Variants in CALN1 observed in about 807,000 individuals in gnomAD.
CALN1 encodes calneuron 1.
A neutral mutation model predicts 30.6 loss-of-function variants in CALN1; 17 were observed. The ratio of observed to expected loss-of-function variants is 0.56; its 90% CI spans 0.38 to 0.83. The LOEUF (loss-of-function observed/expected upper bound fraction) is 0.83. Ranked by LOEUF, CALN1 falls within the 40% of genes least tolerant of loss-of-function variation. The pLI, the probability that CALN1 is intolerant of heterozygous loss-of-function variation, is 0.00. For synonymous variants in CALN1, 156 were observed against 131.4 expected, an observed-to-expected ratio of 1.19 and a Z score of -1.28; for missense variants, 291 against 354.9, an observed-to-expected ratio of 0.82 and a Z score of 1.45.
intron 3 of CALN1, among the ~76,000 whole-genome samples, chr7:72,199,474 C>T (rs1447236590): frequency 2.0e-5 from 3 of 152,070 alleles, no homozygotes; most frequent in Non-Finnish European, 4.4e-5. Context: ...GCAGGCTGAG[C>T]CGGGGGGCAT....
chr7:72,411,675 C>T (rs923524701), intron 1 of CALN1, among the ~76,000 whole-genome samples: 1 of 152,140 alleles, frequency 6.6e-6, no homozygotes, highest in Non-Finnish European at 1.5e-5. Context: ...TGGATAAGTT[C>T]TCAATGATGC....
At chr7:71,888,785 C>T (rs1428887336) in intron 5 of CALN1, among the ~76,000 whole-genome samples, 5 of 151,916 alleles carry the variant, frequency 3.3e-5, no homozygotes, top group Non-Finnish European at 7.4e-5. Flanking sequence ...GTGATGGGGC[C>T]CATTCCTAGA....
At chr7:72,371,024 G>A (rs1382093846) in intron 2 of CALN1, among the ~76,000 whole-genome samples, 3 of 146,894 alleles carry the variant, frequency 2.0e-5, no homozygotes, top group Non-Finnish European at 3.0e-5. Flanking sequence ...CTCCAACTTT[G>A]GTGACAGAGC....
intron 2 of CALN1, among the ~76,000 whole-genome samples, chr7:72,314,891 T>C (rs535472892): frequency 1.2e-4 from 17 of 144,644 alleles, no homozygotes; most frequent in Admixed American, 9.1e-4. Flanking sequence ...CTCACACCTG[T>C]AAACCCAGCA....
intron 5 of CALN1, among the ~76,000 whole-genome samples, chr7:71,902,189 A>C: frequency 6.6e-6 from 1 of 151,864 alleles, no homozygotes; most frequent in East Asian, 1.9e-4. Context: ...GAGCCACTGC[A>C]CTCCAGCCTG....
intron 2 of CALN1, among the ~76,000 whole-genome samples, chr7:72,306,400 C>T (rs963737586): frequency 6.6e-6 from 1 of 152,094 alleles, no homozygotes; most frequent in African/African-American, 2.4e-5. Context: ...CCACTATAAG[C>T]CTTCAGAAGA....
chr7:71,881,597 CA>C (rs1792570382), intron 5 of CALN1, among the ~76,000 whole-genome samples: 1 of 151,994 alleles, frequency 6.6e-6, no homozygotes, highest in Admixed American at 6.6e-5. Flanking sequence ...GTCCTTTGCT[CA>C]AAATGTTTCC....
Position 71,978,124 on chromosome 7 carries a change from T to C in CALN1, c.501+45533A>G, listed in dbSNP as rs1198959203. ...AGCTTCCCCACCATAAGAGTCTTGG[T>C]GGGAATTTGAGCCACTTCTGAGAAT... On this transcript the variant is annotated intron_variant, in intron 5 of 6. Coordinates refer to ENST00000395275, the MANE Select transcript of CALN1 (RefSeq NM_031468.4). Among the ~76,000 whole-genome samples the C allele has an allele frequency of 1.4e-4, 21 of 151,888 alleles. 1 individual carries two copies. Among genetic ancestry groups the C allele is most frequent in the Non-Finnish European group, 7.4e-5 (5 of 67,960 alleles).
intron 3 of CALN1, among the ~76,000 whole-genome samples, chr7:72,212,349 C>CAAAAA (rs35123942): frequency 1.0e-5 from 1 of 96,540 alleles, no homozygotes. Flanking sequence ...CACACCGTCT[C>CAAAAA]AAAAAAAAAA....
intron 6 of CALN1, among the ~76,000 whole-genome samples, chr7:71,804,952 T>C (rs1347819865): frequency 6.6e-6 from 1 of 152,084 alleles, no homozygotes; most frequent in Admixed American, 6.6e-5. Flanking sequence ...CAAAACTCCA[T>C]ATAAAAAAAA....
intron 3 of CALN1, among the ~76,000 whole-genome samples, chr7:72,267,509 A>G (rs763554490): frequency 1.3e-5 from 2 of 152,206 alleles, no homozygotes; most frequent in Non-Finnish European, 2.9e-5. Context: ...TGGCAGAGAT[A>G]TATGTGATGG....
intron 3 of CALN1, among the ~76,000 whole-genome samples, chr7:72,254,626 GTTGT>G (rs1795791549): frequency 1.3e-5 from 2 of 151,944 alleles, no homozygotes; most frequent in Non-Finnish European, 2.9e-5. Flanking sequence ...TCCTCACTCC[GTTGT>G]TTTTTTATTT....
In CALN1 at chr7:72,335,257, C is replaced by G. The variant is rs1476756908; in HGVS notation, c.120-56447G>C. 2.0e-5 allele frequency among the ~76,000 whole-genome samples: 3 copies of G among 152,246 alleles called. No individual in the cohort carries two copies. In the East Asian group the frequency reaches 5.8e-4, roughly 29 times the overall value. ...AACACGTCCTGTTCTAGCCTCAAGACAATTTCACACCAAATGGCTTTAAAT... is the reference window on the plus strand; with the variant it reads ...AACACGTCCTGTTCTAGCCTCAAGAGAATTTCACACCAAATGGCTTTAAAT... On this transcript the variant is annotated intron_variant, in intron 2 of 6. Transcript: ENST00000395275.
At chr7:72,308,282 T>G (rs1428540650) in intron 2 of CALN1, among the ~76,000 whole-genome samples, 1 of 147,620 alleles carries the variant, frequency 6.8e-6, no homozygotes, top group East Asian at 2.0e-4. Context: ...AAAGATCATT[T>G]GAACCAGGGA....
At chr7:72,423,540 A>T (rs1478739848) in intron 1 of CALN1, among the ~76,000 whole-genome samples, 1 of 152,222 alleles carries the variant, frequency 6.6e-6, no homozygotes, top group Non-Finnish European at 1.5e-5. Context: ...GCCCTGGGAC[A>T]CAGCAGTAAT....
At chr7:72,501,370 T>TAAAAAAAAA in the CALN1 span, among the ~76,000 whole-genome samples, 98 of 42,808 alleles carry the variant, frequency 2.3e-3, 1 homozygote, top group Non-Finnish European at 3.3e-3. Flanking sequence ...ACGTCTCTAT[T>TAAAAAAAAA]AAAAAAAAAA....
chr7:71,932,199 T>C (rs1177726969), intron 5 of CALN1, among the ~76,000 whole-genome samples: 5 of 152,094 alleles, frequency 3.3e-5, no homozygotes. Context: ...TTTATTTATT[T>C]ATTTATGTCA....
chr7:72,036,203 A>G (rs1801788589), intron 4 of CALN1, among the ~76,000 whole-genome samples: 1 of 152,214 alleles, frequency 6.6e-6, no homozygotes, highest in Admixed American at 6.5e-5. Flanking sequence ...TTCTGGTGAG[A>G]AACATGCTGA....
In CALN1 at chr7:72,370,254, T is replaced by A. The variant is rs565065508; in HGVS notation, c.119+32997A>T. Among the ~76,000 whole-genome samples the A allele has an allele frequency of 2.0e-5, 3 of 152,352 alleles. 1 individual carries two copies. The South Asian group carries it at 6.2e-4, about 32-fold the overall frequency. The stretch of plus-strand genomic sequence containing the variant: ...TCTTCTCAGATGCTTATTTGCCATC[T>A]GTATATCTTTTTTGCTGTATATATT... On this transcript the variant is annotated intron_variant, in intron 2 of 6. Transcript: ENST00000395275.
Sources: gnomAD v4.1 joint callset for allele counts (sites outside exome capture counted in the v4.1 genomes callset) on GRCh38, gnomAD v4.1.1 for gene constraint, MANE v1.5 for transcripts, NCBI Gene and HGNC (gene_info 2026-07-23, HGNC 2026-07-21) for gene names.